Variants in KRT2 observed in about 807,000 individuals in gnomAD.
KRT2 encodes keratin, type II cytoskeletal 2 epidermal.
Under a neutral mutation model 48.5 loss-of-function variants are expected in KRT2, and 37 were observed. The ratio of observed to expected loss-of-function variants is 0.76; its 90% CI spans 0.59 to 1.00. The LOEUF is 1.00. Among genes scored for constraint, KRT2 ranks in the 50% least tolerant of loss-of-function variants. KRT2 has a pLI of 0.00. For synonymous variants in KRT2, 324 were observed against 312.2 expected (o/e 1.04, Z -0.40); for missense variants, 880 against 815.2 (o/e 1.08, Z -0.97).
intron 1 of KRT2, 190 bp from the exon 2 acceptor site, chr12:52,650,743 T>C: frequency 1.5e-6 from 1 of 654,852 alleles, no homozygotes; most frequent in Non-Finnish European, 2.8e-6. Flanking sequence ...AGACTCCTAA[T>C]GCTACATCCG....
chr12:52,648,191 C>A lies in KRT2; in HGVS notation c.1104G>T (p.Glu368Asp). ...TACTTGCCTTGCTGTGGTACAGGGC[C>A]TCCGCTTCTTCCTTGCTCCTCTGGG... ...EIAQRSKEEA[E>D]ALYHSKYEEL... The change falls in exon 5 of 9, where the codon GAG (glutamate) becomes GAT (aspartate). Residue 368 changes from glutamate to aspartate, a missense_variant. By Grantham distance (45) the Glu-to-Asp change is conservative. Transcript: ENST00000309680. The A allele has an allele frequency of 6.2e-7, 1 of 1,614,178 alleles. No individual in the cohort carries two copies. The highest frequency in any genetic ancestry group is 8.5e-7 in the Non-Finnish European group (1 of 1,180,014).
At position 52,652,018 on chromosome 12, in the gene KRT2, CAGG is replaced by C. The variant is rs774509084; in HGVS notation, c.122_124del (p.Ser41del). Reference sequence around the variant, plus strand: ...GCCACCACCACCATGGCGGCTCAAGCAGGAGAAGCTGGAAGTTGATCTCCGGCT... The same window carrying C: ...GCCACCACCACCATGGCGGCTCAAGCAGAAGCTGGAAGTTGATCTCCGGCT... On this transcript the variant is annotated inframe_deletion, in exon 1 of 9. Transcript: ENST00000309680. The C allele has an allele frequency of 1.2e-6, 2 of 1,610,124 alleles. No homozygotes were observed. Among genetic ancestry groups the C allele is most frequent in the Middle Eastern group, 1.7e-4 (1 of 6,058 alleles).
Position 52,650,338 on chromosome 12 carries a change from C to T in KRT2, c.800+1G>A. ...ACTCAGCGTTTCACTCTGCCACCTA[C>T]TTCTTCTTATAATCCTCCACAAGAT... On this transcript the variant is annotated splice_donor_variant, in intron 2 of 8. Transcript: ENST00000309680. LOFTEE classifies it high-confidence loss of function. 1 of 1,613,422 alleles carries T rather than the reference C, an allele frequency of 6.2e-7. No homozygotes were observed. The highest frequency in any genetic ancestry group is 8.5e-7 in the Non-Finnish European group (1 of 1,179,330).
chr12:52,645,696 C>G, intron 7 of KRT2, 127 bp from the exon 8 acceptor site: 3 of 871,830 alleles, frequency 3.4e-6, no homozygotes, highest in Non-Finnish European at 5.8e-6. Context: ...CTTACACACC[C>G]CACTTTCTTC....
Position 52,651,987 on chromosome 12 carries a change from G to GC in KRT2, c.155dup (p.Phe53LeufsTer23), listed in dbSNP as rs1565641002. 2.5e-6 allele frequency: 4 copies of GC among 1,612,940 alleles called. No individual in the cohort carries two copies. Among genetic ancestry groups the GC allele is most frequent in the Non-Finnish European group, 3.4e-6 (4 of 1,179,724 alleles). ...GACTGCCAAAGCCGCCTCCACCGAA[G>GC]CCCCCGCCACCACCACCATGGCGGC... On this transcript the variant is annotated frameshift_variant, in exon 1 of 9. Transcript: ENST00000309680. LOFTEE classifies it high-confidence loss of function.
chr12:52,648,981 G>A (rs1941209179), intron 4 of KRT2, 26 bp downstream of exon 4: 1 of 1,385,128 alleles, frequency 7.2e-7, no homozygotes, highest in Non-Finnish European at 1.0e-6. Context: ...GGGAAGTAAG[G>A]GACTGTCCCG....
intron 4 of KRT2, among the ~76,000 whole-genome samples, chr12:52,648,654 C>G (rs1343611847): frequency 6.6e-6 from 1 of 152,064 alleles, no homozygotes; most frequent in Non-Finnish European, 1.5e-5. Flanking sequence ...TCTGTGCACC[C>G]TTGGGTTGGG....
intron 6 of KRT2, 84 bp from the exon 7 acceptor site, chr12:52,647,044 C>T (rs1565638921): frequency 3.1e-6 from 4 of 1,285,214 alleles, no homozygotes; most frequent in Non-Finnish European, 4.5e-6. Flanking sequence ...AAGCCAGAAC[C>T]ACTGGCCCTG....
intron 6 of KRT2, among the ~76,000 whole-genome samples, 183 bp from the exon 7 acceptor site, chr12:52,647,143 G>A (rs753022074): frequency 3.3e-5 from 5 of 152,146 alleles, no homozygotes; most frequent in Admixed American, 6.5e-5. Context: ...CCATGTCACC[G>A]TTGATGACAC....
In KRT2 at chr12:52,652,172, G is replaced by A; in HGVS notation, c.-30C>T. ...CCTTTGTCCAGGGAGGAAAGTCACAGGCTCTTGAGAAGAGTCAAGGCTGGA... is the reference window on the plus strand; with the variant it reads ...CCTTTGTCCAGGGAGGAAAGTCACAAGCTCTTGAGAAGAGTCAAGGCTGGA... On this transcript the variant is annotated 5_prime_UTR_variant, in exon 1 of 9. Transcript: ENST00000309680. 1 of 1,491,460 alleles carries A rather than the reference G, an allele frequency of 6.7e-7. No homozygotes were observed. The highest frequency in any genetic ancestry group is 9.1e-7 in the Non-Finnish European group (1 of 1,104,952). The allele number at this position is 1,491,460 out of a possible 1,614,324, so 92.4% of individuals were successfully genotyped here.
At chr12:52,650,185 C>G (rs1193334315) in intron 2 of KRT2, among the ~76,000 whole-genome samples, 154 bp downstream of exon 2, 4 of 152,182 alleles carry the variant, frequency 2.6e-5, no homozygotes, top group Non-Finnish European at 5.9e-5. Context: ...TCTCTAAAGT[C>G]TCACTGTCTT....
Position 52,646,872 on chromosome 12 carries a change from T to G in KRT2, c.1337A>C (p.Glu446Ala), listed in dbSNP as rs1241211316. 6.2e-7 allele frequency: 1 copy of G among 1,614,058 alleles called. No individual in the cohort carries two copies. The highest frequency in any genetic ancestry group is 1.3e-5 in the African/African-American group (1 of 74,932). Residue 446 changes from glutamate (E) to alanine (A), a missense_variant, in exon 7 of 9, where the codon GAG (glutamate) becomes GCG (alanine). By Grantham distance (107) the Glu-to-Ala change is moderately radical (BLOSUM62 -1). Transcript: ENST00000309680. ...CTCCTTGGCCTGCTGCAGGGCCTCC[T>G]CCAGGTCATTCAACTTGTTCCTGGC... ...KDARNKLNDL[E>A]EALQQAKEDL... is the part of the protein sequence containing the mutation.
chr12:52,651,768 ACCTCCAAAGCGG>A lies in KRT2; in HGVS notation c.363_374del (p.Arg122_Gly125del), dbSNP rs1941252058. 15 of 1,612,320 alleles carry A rather than the reference ACCTCCAAAGCGG, an allele frequency of 9.3e-6. No individual in the cohort carries two copies. Among genetic ancestry groups the A allele is most frequent in the Non-Finnish European group, 1.3e-5 (15 of 1,179,344 alleles). ...CTCCAACACCACCAGGGCCCCCAAA[ACCTCCAAAGCGG>A]CCTCCACCAAAGCCGCCTCCACCGA... On this transcript the variant is annotated inframe_deletion, in exon 1 of 9. Transcript: ENST00000309680.
intron 6 of KRT2, among the ~76,000 whole-genome samples, chr12:52,647,194 C>T (rs941218448): frequency 6.6e-6 from 1 of 152,214 alleles, no homozygotes; most frequent in African/African-American, 2.4e-5. Flanking sequence ...CCTCACATCA[C>T]AGGGCCTGAA....
Position 52,645,362 on chromosome 12 carries a change from G to A in KRT2, c.1577C>T (p.Ser526Phe), listed in dbSNP as rs749601962. 1 of 1,614,172 alleles carries A rather than the reference G, an allele frequency of 6.2e-7. No individual in the cohort carries two copies. Among genetic ancestry groups the A allele is most frequent in the South Asian group, 1.1e-5 (1 of 91,084 alleles). ...AGAGCTGTATCCTCCTCCGGAACTG[G>A]ACCCTCTACCTCCAGAACCTCCAAA... The part of the protein sequence containing the change: ...AAFGGSGGRG[S>F]SSGGGYSSGS... The change falls in exon 9 of 9, where the codon TCC (serine) becomes TTC (phenylalanine). Residue 526 changes from serine to phenylalanine, a missense_variant. Ser to Phe is a radical substitution (Grantham distance 155). Coordinates refer to ENST00000309680, the MANE Select transcript of KRT2 (RefSeq NM_000423.3).
intron 7 of KRT2, 143 bp downstream of exon 7, chr12:52,646,597 T>C (rs565228011): frequency 1.2e-6 from 1 of 844,794 alleles, no homozygotes; most frequent in Non-Finnish European, 1.9e-6. Context: ...AGTTTCTGCT[T>C]GGGGAACACA....
intron 1 of KRT2, 38 bp downstream of exon 1, chr12:52,651,520 G>A (rs1941246871): frequency 9.0e-6 from 13 of 1,443,020 alleles, no homozygotes; most frequent in Non-Finnish European, 1.3e-5. Context: ...AAGTGAAGTG[G>A]CCTGAGCATC....
chr12:52,650,619 G>C, intron 1 of KRT2, 66 bp from the exon 2 acceptor site: 1 of 1,329,480 alleles, frequency 7.5e-7, no homozygotes, highest in East Asian at 2.3e-5. Flanking sequence ...AGCCACGCTG[G>C]CCAGGGGCAG....
Position 52,645,195 on chromosome 12 carries a change from C to G in KRT2, c.1744G>C (p.Gly582Arg), listed in dbSNP as rs1330628681. The G allele has an allele frequency of 2.5e-6, 4 of 1,613,872 alleles. No individual in the cohort carries two copies. Among genetic ancestry groups the G allele is most frequent in the Admixed American group, 1.7e-5 (1 of 59,982 alleles). The stretch of plus-strand genomic sequence containing the variant: ...CCATATCCTCCTCCAGAGATGGACC[C>G]TCCCTTAGAGCCACCACCAGATCCG... ...RYGSGGGSKG[G>R]SISGGGYGSG... Residue 582 changes from glycine (G) to arginine (R), a missense_variant, in exon 9 of 9, where the codon GGG (glycine) becomes CGG (arginine). Transcript: ENST00000309680.
Sources: gnomAD v4.1 joint callset for allele counts (sites outside exome capture counted in the v4.1 genomes callset) on GRCh38, gnomAD v4.1.1 for gene constraint, MANE v1.5 for transcripts, NCBI Gene and HGNC (gene_info 2026-07-23, HGNC 2026-07-21) for gene names.